UBAC2: variants seen among roughly 807,000 people sequenced by gnomAD.
The protein encoded by UBAC2 is ubiquitin-associated domain-containing protein 2.
Under a neutral mutation model 44.0 loss-of-function variants are expected in UBAC2, and 26 were observed. The ratio of observed to expected loss-of-function variants is 0.59; its 90% CI spans 0.43 to 0.82. The LOEUF (loss-of-function observed/expected upper bound fraction) is 0.82, where lower values mean the gene tolerates loss of function less well. UBAC2 is among the 40% of genes least tolerant of loss of function. The probability of loss-of-function intolerance (pLI) is 0.00; values close to 1 mark genes in which losing one functional copy is unlikely to be tolerated. For synonymous variants in UBAC2, 155 were observed against 154.3 expected (o/e 1.00, Z -0.04); for missense variants, 329 against 419.4 (o/e 0.78, Z 1.88).
intron 1 of UBAC2, among the ~76,000 whole-genome samples, chr13:99,202,936 T>C (rs2042822889): frequency 2.0e-5 from 3 of 152,220 alleles, no homozygotes. Flanking sequence ...TTTCCAGGAC[T>C]GGTCATTAGA....
At chr13:99,213,686 T>C (rs1293639934) in intron 1 of UBAC2, among the ~76,000 whole-genome samples, 2 of 152,114 alleles carry the variant, frequency 1.3e-5, no homozygotes, top group African/African-American at 4.8e-5. Context: ...CGTACTAAAA[T>C]AAGTTTTTTT....
chr13:99,242,496 G>A lies in UBAC2; in HGVS notation c.160-1336G>A, dbSNP rs553537074. On this transcript the variant is annotated intron_variant, in intron 2 of 8. Coordinates refer to ENST00000403766, the MANE Select transcript of UBAC2 (RefSeq NM_001144072.2). ...TCCCTCCCCGACGGGGCGGCTGGCC[G>A]GGCGGGGGGCTGCCCCCCCCACCTC... 5.9e-5 allele frequency among the ~76,000 whole-genome samples: 7 copies of A among 119,164 alleles called. No homozygotes were observed. The South Asian group carries it at 9.2e-4, about 16-fold the overall frequency. 78.2% of individuals were successfully genotyped at this position (119,164 alleles called of 152,430 possible). A position where few individuals can be genotyped will look rare whatever the true frequency, so the allele number is the denominator to read the frequency against.
chr13:99,277,382 G>A (rs1014033560), intron 4 of UBAC2, among the ~76,000 whole-genome samples: 6 of 151,950 alleles, frequency 3.9e-5, no homozygotes, highest in African/African-American at 9.7e-5. Flanking sequence ...AAAATTAGCC[G>A]AGCATGGTGG....
At chr13:99,258,985 A>G (rs1213108225) in intron 4 of UBAC2, among the ~76,000 whole-genome samples, 1 of 152,206 alleles carries the variant, frequency 6.6e-6, no homozygotes, top group Non-Finnish European at 1.5e-5. Flanking sequence ...TGTATTTTGT[A>G]AGTCTGCTTT....
At position 99,295,410 on chromosome 13, in the gene UBAC2, T is replaced by C; in HGVS notation, c.390-18687T>C. 2 of 1,614,072 alleles carry C rather than the reference T, an allele frequency of 1.2e-6. No individual in the cohort carries two copies. Among genetic ancestry groups the C allele is most frequent in the Non-Finnish European group, 1.7e-6 (2 of 1,180,010 alleles). ...ACAAACACAACAATAATAAGAATAA[T>C]TGTGTTGAGAGCCTTTTTGTTTACA... is the stretch of plus-strand genomic sequence containing the variant. On this transcript the variant is annotated intron_variant, in intron 4 of 8. Coordinates refer to ENST00000403766, the MANE Select transcript of UBAC2 (RefSeq NM_001144072.2). The surrounding 1 kb of genome is among the most constrained non-coding windows in gnomAD (Gnocchi z 4.1).
At chr13:99,347,633 T>C (rs1290012533) in intron 7 of UBAC2, among the ~76,000 whole-genome samples, 3 of 151,942 alleles carry the variant, frequency 2.0e-5, no homozygotes, top group Admixed American at 6.6e-5. Context: ...ACAGCTCTGA[T>C]GAACAGTGAC....
chr13:99,220,400 G>T (rs903262625), intron 1 of UBAC2, among the ~76,000 whole-genome samples: 10 of 152,174 alleles, frequency 6.6e-5, no homozygotes, highest in African/African-American at 2.4e-4. Context: ...TATTAGCACA[G>T]TGCCTGGCAT....
chr13:99,290,745 G>A lies in UBAC2; in HGVS notation c.390-23352G>A, dbSNP rs1052973720. Reference sequence around the variant, plus strand: ...TTCACCACCAAAAAAAAAAAAAAAAGAAAGAAAGAAAGAAAAAGAAAAGAT... The same window carrying A: ...TTCACCACCAAAAAAAAAAAAAAAAAAAAGAAAGAAAGAAAAAGAAAAGAT... On this transcript the variant is annotated intron_variant, in intron 4 of 8. Coordinates refer to ENST00000403766, the MANE Select transcript of UBAC2 (RefSeq NM_001144072.2). Among the ~76,000 whole-genome samples, 406 of 142,404 alleles carry A rather than the reference G, an allele frequency of 2.9e-3. 2 individuals carry two copies. The highest frequency in any genetic ancestry group is 9.8e-3 in the African/African-American group (379 of 38,588). 93.4% of individuals were successfully genotyped at this position (142,404 alleles called of 152,430 possible). A position where few individuals can be genotyped will look rare whatever the true frequency, so the allele number is the denominator to read the frequency against.
chr13:99,259,703 T>G (rs2043628735), intron 4 of UBAC2, among the ~76,000 whole-genome samples: 1 of 152,236 alleles, frequency 6.6e-6, no homozygotes, highest in South Asian at 2.1e-4. Context: ...GTTTGATGTT[T>G]CAGCTGGACA....
chr13:99,300,565 A>G (rs1315867481), intron 4 of UBAC2, among the ~76,000 whole-genome samples: 1 of 152,236 alleles, frequency 6.6e-6, no homozygotes, highest in African/African-American at 2.4e-5. Context: ...ATTACTTTAT[A>G]TCTTCCTTTA....
chr13:99,259,796 G>C (rs2043630972), intron 4 of UBAC2, among the ~76,000 whole-genome samples: 1 of 152,166 alleles, frequency 6.6e-6, no homozygotes, highest in Non-Finnish European at 1.5e-5. Context: ...GTATTGATTA[G>C]CTTCCCCATT....
In UBAC2 at chr13:99,279,497, A is replaced by G. The variant is rs375241093; in HGVS notation, c.390-34600A>G. Among the ~76,000 whole-genome samples, 8 of 152,318 alleles carry G rather than the reference A, an allele frequency of 5.3e-5. No homozygotes were observed. The East Asian group carries it at 1.5e-3, about 29-fold the overall frequency. ...TTTCTTATAGCACTCATCACTATAGATAGTAAATAAGATGTAACAAATGAT... is the reference window on the plus strand; with the variant it reads ...TTTCTTATAGCACTCATCACTATAGGTAGTAAATAAGATGTAACAAATGAT... On this transcript the variant is annotated intron_variant, in intron 4 of 8. Coordinates refer to ENST00000403766, the MANE Select transcript of UBAC2 (RefSeq NM_001144072.2).
intron 1 of UBAC2, among the ~76,000 whole-genome samples, chr13:99,238,225 A>T (rs1288088608): frequency 1.3e-5 from 2 of 152,220 alleles, no homozygotes; most frequent in Non-Finnish European, 2.9e-5. Context: ...CTGCTAGGGC[A>T]TTCTGCTTGT....
rs1440466778 is a variant in UBAC2, at chr13:99,330,972, T to A, written c.562-9348T>A. Among the ~76,000 whole-genome samples the A allele has an allele frequency of 4.6e-5, 7 of 152,340 alleles. No homozygotes were observed. The South Asian group carries it at 1.4e-3, about 32-fold the overall frequency. On this transcript the variant is annotated intron_variant, in intron 6 of 8. Coordinates refer to ENST00000403766, the MANE Select transcript of UBAC2 (RefSeq NM_001144072.2). ...GTTAAAATGGATATTAGAAGGTGTT[T>A]GTTTACATATAAGAACCTGATGATG...
intron 7 of UBAC2, among the ~76,000 whole-genome samples, chr13:99,350,965 T>C (rs915097169): frequency 1.4e-4 from 21 of 152,190 alleles, no homozygotes; most frequent in Admixed American, 1.3e-3. Context: ...GTCAGAATAT[T>C]GTGTTGAGTC....
chr13:99,285,669 G>A (rs889622378), intron 4 of UBAC2, among the ~76,000 whole-genome samples: 1 of 152,144 alleles, frequency 6.6e-6, no homozygotes, highest in African/African-American at 2.4e-5. Context: ...TGGGATTATA[G>A]GCATGAGCCA....
intron 8 of UBAC2, among the ~76,000 whole-genome samples, chr13:99,381,419 T>C (rs1593994388): frequency 1.3e-5 from 2 of 152,242 alleles, no homozygotes; most frequent in South Asian, 4.1e-4. Flanking sequence ...TTGTGCTGGC[T>C]GGGTGCAAAG....
At chr13:99,324,625 C>A (rs1391509855) in intron 6 of UBAC2, among the ~76,000 whole-genome samples, 1 of 152,198 alleles carries the variant, frequency 6.6e-6, no homozygotes, top group African/African-American at 2.4e-5. Context: ...AATTAGCCCT[C>A]ATAAAAACCT....
At chr13:99,325,355 G>T (rs973204929) in intron 6 of UBAC2, among the ~76,000 whole-genome samples, 1 of 151,842 alleles carries the variant, frequency 6.6e-6, no homozygotes, top group African/African-American at 2.4e-5. Context: ...CACCCGCCTC[G>T]GCCTCCCAAA....
Sources: allele counts gnomAD v4.1 joint callset (sites outside exome capture counted in the v4.1 genomes callset), GRCh38; gene constraint gnomAD v4.1.1; non-coding constraint Gnocchi (gnomAD v3.1); transcripts MANE v1.5; gene names NCBI Gene and HGNC (gene_info 2026-07-23, HGNC 2026-07-21).